PDCD11: variants seen among roughly 807,000 people sequenced by gnomAD.
PDCD11 encodes programmed cell death 11.
PDCD11 carries 97 observed loss-of-function variants against 198.9 expected under a neutral mutation model. The observed-to-expected ratio is 0.49, with a 90% confidence interval of 0.41 to 0.58. The LOEUF (loss-of-function observed/expected upper bound fraction) is 0.58, where lower values mean the gene tolerates loss of function less well. Ranked by LOEUF, PDCD11 falls within the 20% of genes least tolerant of loss-of-function variation. The pLI, the probability that PDCD11 is intolerant of heterozygous loss-of-function variation, is 0.00. For missense variants in PDCD11, 2,102 were observed against 2,312.7 expected, an observed-to-expected ratio of 0.91 and a Z score of 1.87; for synonymous variants, 893 against 918.0, an observed-to-expected ratio of 0.97 and a Z score of 0.49.
At chr10:103,413,086 C>A in intron 8 of PDCD11, 30 bp from the exon 9 acceptor site, 1 of 1,596,732 alleles carries the variant, frequency 6.3e-7, no homozygotes, top group Middle Eastern at 1.9e-4. Context: ...TGTGCCTCCT[C>A]CTGCTCACCC....
chr10:103,433,388 C>G (rs1026138349), intron 22 of PDCD11, among the ~76,000 whole-genome samples: 1 of 151,946 alleles, frequency 6.6e-6, no homozygotes, highest in Non-Finnish European at 1.5e-5. Context: ...TCCCAGCTAC[C>G]CTGGAGGCTG....
chr10:103,398,878 TG>T (rs1391901794), intron 2 of PDCD11, among the ~76,000 whole-genome samples: 4 of 152,096 alleles, frequency 2.6e-5, no homozygotes, highest in Admixed American at 2.6e-4. Context: ...TAGCTGGGCA[TG>T]GTAGTATACC....
At chr10:103,418,383 C>G in intron 14 of PDCD11, 57 bp from the exon 15 acceptor site, 1 of 1,407,828 alleles carries the variant, frequency 7.1e-7, no homozygotes, top group Non-Finnish European at 9.9e-7. Flanking sequence ...CTAATCCAGA[C>G]CAGGTTGTTC....
intron 7 of PDCD11, among the ~76,000 whole-genome samples, chr10:103,409,360 C>T (rs2030656771): frequency 6.7e-6 from 1 of 149,308 alleles, no homozygotes; most frequent in Non-Finnish European, 1.5e-5. Context: ...GGGAAAATAT[C>T]TAAGTTAGTA....
chr10:103,400,722 C>T (rs565315062), intron 3 of PDCD11, among the ~76,000 whole-genome samples, 194 bp downstream of exon 3: 14 of 152,062 alleles, frequency 9.2e-5, no homozygotes, highest in Admixed American at 5.2e-4. Flanking sequence ...CATTGCTAAC[C>T]GATGCCAGGA....
chr10:103,440,261 C>G (rs764212669), intron 28 of PDCD11, 29 bp from the exon 29 acceptor site: 4 of 1,587,782 alleles, frequency 2.5e-6, no homozygotes, highest in Non-Finnish European at 2.6e-6. Flanking sequence ...TTTATGATGT[C>G]TTTACCTCCC....
Position 103,416,554 on chromosome 10 carries a change from T to G in PDCD11, c.1582T>G (p.Ser528Ala). ...MMTLKKTLIE[S>A]KLPVITCYAD... ...GACCCTGAAAAAAACCCTGATTGAG[T>G]CCAAACTACCTGTCATTACCTGCTA... The change falls in exon 13 of 36, where the codon TCC (serine) becomes GCC (alanine). Residue 528 changes from serine (S) to alanine (A), a missense_variant. By Grantham distance (99) the Ser-to-Ala change is moderately conservative. Coordinates refer to ENST00000369797, the MANE Select transcript of PDCD11 (RefSeq NM_014976.2). The G allele has an allele frequency of 6.2e-7, 1 of 1,613,946 alleles. No individual in the cohort carries two copies. The highest frequency in any genetic ancestry group is 8.5e-7 in the Non-Finnish European group (1 of 1,179,988).
In PDCD11 at chr10:103,424,977, C is replaced by T; in HGVS notation, c.2764-7C>T. The stretch of plus-strand genomic sequence containing the variant: ...AAAGCAGGGATGGTGGCTTTTCTCT[C>T]TTCTAGCTGAGGAAAGGCAGCGAAC... On this transcript the variant is annotated splice_polypyrimidine_tract_variant and splice_region_variant and intron_variant, in intron 19 of 35. Transcript: ENST00000369797. 1 of 1,613,642 alleles carries T rather than the reference C, an allele frequency of 6.2e-7. No homozygotes were observed. Among genetic ancestry groups the T allele is most frequent in the Non-Finnish European group, 8.5e-7 (1 of 1,179,656 alleles).
At position 103,418,000 on chromosome 10, in the gene PDCD11, T is replaced by C; in HGVS notation, c.1911+68T>C. 2.1e-5 allele frequency: 32 copies of C among 1,550,906 alleles called. No homozygotes were observed. In the South Asian group the frequency reaches 3.5e-4, roughly 17 times the overall value. On this transcript the variant is annotated intron_variant, in intron 14 of 35. Coordinates refer to ENST00000369797, the MANE Select transcript of PDCD11 (RefSeq NM_014976.2). ...CAGAGAGCAGGGAACCACTAACACA[T>C]GGCATATTGGAACCCACGAAGCGGA... is the stretch of plus-strand genomic sequence containing the variant.
intron 24 of PDCD11, 116 bp downstream of exon 24, chr10:103,434,466 C>A: frequency 1.4e-6 from 1 of 713,438 alleles, no homozygotes. Context: ...CCTCAGAAAG[C>A]CTGGTGTGGG....
chr10:103,430,245 G>A (rs952897996), intron 21 of PDCD11, among the ~76,000 whole-genome samples: 6 of 152,106 alleles, frequency 3.9e-5, no homozygotes, highest in Non-Finnish European at 7.4e-5. Flanking sequence ...TGCCTGCCTC[G>A]GCCTCCCAAA....
At chr10:103,414,136 A>G in intron 10 of PDCD11, 46 bp downstream of exon 10, 10 of 1,592,090 alleles carry the variant, frequency 6.3e-6, no homozygotes, top group Non-Finnish European at 8.6e-6. Flanking sequence ...GTGCACCTGT[A>G]CATGTTCATA....
chr10:103,444,166 G>C, intron 34 of PDCD11, 98 bp downstream of exon 34: 2 of 1,029,228 alleles, frequency 1.9e-6, no homozygotes, highest in Non-Finnish European at 2.8e-6. Context: ...GGAGAGCCTT[G>C]TGAGGGCTTT....
intron 2 of PDCD11, among the ~76,000 whole-genome samples, chr10:103,399,224 A>T (rs1249447990): frequency 6.9e-6 from 1 of 144,092 alleles, no homozygotes; most frequent in Non-Finnish European, 1.5e-5. Context: ...TAATTTTTGT[A>T]TTTTTGTTAG....
chr10:103,441,216 C>T (rs1182911335), intron 30 of PDCD11, among the ~76,000 whole-genome samples: 5 of 152,142 alleles, frequency 3.3e-5, no homozygotes, highest in African/African-American at 1.2e-4. Context: ...CCCTGCCACC[C>T]TCAGAATTAT....
At chr10:103,412,320 C>T (rs1211633222) in intron 8 of PDCD11, among the ~76,000 whole-genome samples, 2 of 149,534 alleles carry the variant, frequency 1.3e-5, no homozygotes, top group African/African-American at 4.9e-5. Flanking sequence ...ACCACCATGC[C>T]CGGCTAATTT....
In PDCD11 at chr10:103,400,510, T is replaced by G. The variant is rs1464353383; in HGVS notation, c.216T>G (p.Phe72Leu). 2 of 1,613,870 alleles carry G rather than the reference T, an allele frequency of 1.2e-6. No individual in the cohort carries two copies. The highest frequency in any genetic ancestry group is 2.7e-5 in the African/African-American group (2 of 74,920). Residue 72 changes from phenylalanine to leucine, a missense_variant, in exon 3 of 36, where the codon TTT becomes TTG. Coordinates refer to ENST00000369797, the MANE Select transcript of PDCD11 (RefSeq NM_014976.2). ...GCAGCAAGTCCGCAAGAGAGAAGTTTGAAATCCTTAGTGTTGAGGTTTGTT... is the reference window on the plus strand; with the variant it reads ...GCAGCAAGTCCGCAAGAGAGAAGTTGGAAATCCTTAGTGTTGAGGTTTGTT... ...RESSKSAREK[F>L]EILSVESLCE...
intron 12 of PDCD11, among the ~76,000 whole-genome samples, chr10:103,416,241 A>G (rs973246616): frequency 2.0e-5 from 3 of 152,232 alleles, no homozygotes; most frequent in Admixed American, 6.5e-5. Flanking sequence ...AAGATAATTA[A>G]TGTTGCTTCA....
At chr10:103,400,355 T>TA (rs752353795) in intron 2 of PDCD11, 42 bp from the exon 3 acceptor site, 104 of 1,586,522 alleles carry the variant, frequency 6.6e-5, no homozygotes, top group Admixed American at 2.4e-4. Context: ...GATTGCTTCT[T>TA]ATTCTTTTGG....
Sources: allele counts gnomAD v4.1 joint callset (sites outside exome capture counted in the v4.1 genomes callset), GRCh38; gene constraint gnomAD v4.1.1; transcripts MANE v1.5; gene names NCBI Gene and HGNC (gene_info 2026-07-23, HGNC 2026-07-21).